The following FAM227B variants were observed in gnomAD, a reference collection of about 807,000 sequenced individuals.
FAM227B encodes protein FAM227B.
In FAM227B, 88 loss-of-function variants were observed where a neutral mutation model predicts 73.8. The observed-to-expected ratio is 1.19, with a 90% confidence interval of 1.00 to 1.42. FAM227B has a LOEUF of 1.42. FAM227B is among the 40% of genes most tolerant of loss of function. The pLI, the probability that FAM227B is intolerant of heterozygous loss-of-function variation, is 0.00. For synonymous variants in FAM227B, 210 were observed against 190.5 expected (o/e 1.10, Z -0.84); for missense variants, 632 against 590.9 (o/e 1.07, Z -0.72).
intron 10 of FAM227B, among the ~76,000 whole-genome samples, chr15:49,536,635 C>T (rs2070314973): frequency 6.6e-6 from 1 of 151,802 alleles, no homozygotes; most frequent in African/African-American, 2.4e-5. Context: ...ACGTTGTAGG[C>T]ATTAAACCTC....
At chr15:49,581,937 A>G (rs892659322) in intron 5 of FAM227B, among the ~76,000 whole-genome samples, 1 of 152,170 alleles carries the variant, frequency 6.6e-6, no homozygotes. Context: ...TGAACTACGC[A>G]AGGCCATCTT....
At chr15:49,396,396 G>A (rs771548402) in intron 11 of FAM227B, 8 of 217,246 alleles carry the variant, frequency 3.7e-5, no homozygotes, top group East Asian at 1.6e-4. Context: ...AGATCAAACT[G>A]CAAGGCGGCA....
intron 11 of FAM227B, among the ~76,000 whole-genome samples, chr15:49,497,351 G>A (rs1228583260): frequency 6.6e-6 from 1 of 152,128 alleles, no homozygotes; most frequent in African/African-American, 2.4e-5. Context: ...TGTCCAGACT[G>A]GGGGTAAGGT....
At chr15:49,616,256 A>T (rs2078281467) in intron 1 of FAM227B, among the ~76,000 whole-genome samples, 1 of 152,148 alleles carries the variant, frequency 6.6e-6, no homozygotes, top group East Asian at 1.9e-4. Flanking sequence ...CTCTAATATG[A>T]TTGGTGTCAT....
chr15:49,605,498 G>A lies in FAM227B; in HGVS notation c.105+5717C>T, dbSNP rs542216112. ...AGCCTGGGTCCACAGGGGCCAACCTGACACTGAAGTGGGGGTTGGCCTGGT... is the reference window on the plus strand; with the variant it reads ...AGCCTGGGTCCACAGGGGCCAACCTAACACTGAAGTGGGGGTTGGCCTGGT... On this transcript the variant is annotated intron_variant, in intron 3 of 15. Transcript: ENST00000299338. Among the ~76,000 whole-genome samples, 133 of 152,290 alleles carry A rather than the reference G, an allele frequency of 8.7e-4. 5 individuals carry two copies. In the South Asian group the frequency reaches 0.027, roughly 30 times the overall value.
intron 3 of FAM227B, among the ~76,000 whole-genome samples, chr15:49,591,876 C>CCA (rs972946548): frequency 6.6e-6 from 1 of 151,754 alleles, no homozygotes. Flanking sequence ...GTATATACAG[C>CCA]CACACACACA....
intron 2 of FAM227B, 63 bp downstream of exon 2, chr15:49,615,058 C>T: frequency 6.7e-7 from 1 of 1,487,942 alleles, no homozygotes; most frequent in African/African-American, 1.4e-5. Context: ...GCCCTGATTA[C>T]CTGAAATTCC....
Position 49,327,678 on chromosome 15 carries a change from A to G in FAM227B, c.*890T>C, listed in dbSNP as rs1460548694. ...GGCTACTTTATGGAATCAATATTACAGTGGGTTATTGCCAGTCATGAAATG... is the reference window on the plus strand; with the variant it reads ...GGCTACTTTATGGAATCAATATTACGGTGGGTTATTGCCAGTCATGAAATG... On this transcript the variant is annotated 3_prime_UTR_variant, in exon 16 of 16. Transcript: ENST00000299338. 3.6e-6 allele frequency: 1 copy of G among 274,382 alleles called. No individual in the cohort carries two copies. The highest frequency in any genetic ancestry group is 2.2e-5 in the African/African-American group (1 of 45,556). The allele number at this position is 274,382 out of a possible 1,614,324, so 17.0% of individuals were successfully genotyped here. A position where few individuals can be genotyped will look rare whatever the true frequency, so the allele number is the denominator to read the frequency against.
At chr15:49,459,484 A>AT (rs1346217385) in intron 11 of FAM227B, among the ~76,000 whole-genome samples, 1 of 151,912 alleles carries the variant, frequency 6.6e-6, no homozygotes, top group African/African-American at 2.4e-5. Flanking sequence ...GTGAAAAGAG[A>AT]TTTTTTAAAT....
In FAM227B at chr15:49,549,993, G is replaced by A. The variant is rs1261747806; in HGVS notation, c.748-8187C>T. Reference sequence around the variant, plus strand: ...CCCCCACCTCCCTCCCAGACGGGGCGGCTGGCCGGGCAGGGGGCTGACCCC... The same window carrying A: ...CCCCCACCTCCCTCCCAGACGGGGCAGCTGGCCGGGCAGGGGGCTGACCCC... On this transcript the variant is annotated intron_variant, in intron 9 of 15. Coordinates refer to ENST00000299338, the MANE Select transcript of FAM227B (RefSeq NM_152647.3). Among the ~76,000 whole-genome samples, 13 of 115,380 alleles carry A rather than the reference G, an allele frequency of 1.1e-4. No homozygotes were observed. In the East Asian group the frequency reaches 1.3e-3, roughly 11 times the overall value. The allele number at this position is 115,380 out of a possible 152,430, so 75.7% of individuals were successfully genotyped here.
chr15:49,569,432 GTTAC>G (rs1217573663), intron 8 of FAM227B, among the ~76,000 whole-genome samples: 1 of 151,336 alleles, frequency 6.6e-6, no homozygotes, highest in African/African-American at 2.4e-5. Flanking sequence ...TCTGTTTCCG[GTTAC>G]TTAATGTGTG....
chr15:49,547,274 A>G (rs1158060010), intron 9 of FAM227B, among the ~76,000 whole-genome samples: 1 of 151,964 alleles, frequency 6.6e-6, no homozygotes, highest in Non-Finnish European at 1.5e-5. Context: ...GAGCTCCTGA[A>G]GGAAGCACTA....
chr15:49,554,377 A>G (rs1851401841), intron 9 of FAM227B, among the ~76,000 whole-genome samples: 1 of 152,194 alleles, frequency 6.6e-6, no homozygotes, highest in South Asian at 2.1e-4. Context: ...GTCTTGCTTA[A>G]GAGTCGCAGT....
chr15:49,559,102 T>C (rs994645702), intron 9 of FAM227B, among the ~76,000 whole-genome samples: 14 of 151,998 alleles, frequency 9.2e-5, no homozygotes, highest in Non-Finnish European at 1.5e-4. Context: ...AGTCCAGAGA[T>C]AGACTAGAAT....
chr15:49,339,052 C>T (rs998539246), intron 13 of FAM227B, among the ~76,000 whole-genome samples: 1 of 152,152 alleles, frequency 6.6e-6, no homozygotes, highest in Non-Finnish European at 1.5e-5. Context: ...AGGTTCTTAG[C>T]TTGCTTGCAT....
In FAM227B at chr15:49,536,717, G is replaced by A. The variant is rs559333694; in HGVS notation, c.874+4963C>T. Among the ~76,000 whole-genome samples the A allele has an allele frequency of 1.4e-4, 22 of 151,886 alleles. 1 individual carries two copies. The South Asian group carries it at 3.1e-3, about 22-fold the overall frequency. ...AAACTATGGTATTGGCATGAACACC[G>A]ACATAAAGATGAGGTATAGAATACA... On this transcript the variant is annotated intron_variant, in intron 10 of 15. Transcript: ENST00000299338.
intron 11 of FAM227B, among the ~76,000 whole-genome samples, chr15:49,497,023 C>T (rs918876896): frequency 2.1e-4 from 32 of 152,000 alleles, no homozygotes; most frequent in African/African-American, 7.5e-4. Flanking sequence ...TTACTAATTA[C>T]ACCTGAACAG....
chr15:49,551,582 C>A (rs1348473562), intron 9 of FAM227B, among the ~76,000 whole-genome samples: 1 of 152,126 alleles, frequency 6.6e-6, no homozygotes, highest in Admixed American at 6.5e-5. Context: ...GTTTAGTCCA[C>A]TTACACTCAA....
intron 2 of FAM227B, among the ~76,000 whole-genome samples, chr15:49,613,028 A>G (rs113251376): frequency 5.3e-5 from 8 of 152,132 alleles, no homozygotes; most frequent in African/African-American, 1.7e-4. Flanking sequence ...AAGTGAGGGG[A>G]AAGTGGGTAT....
Sources: allele counts gnomAD v4.1 joint callset (sites outside exome capture counted in the v4.1 genomes callset), GRCh38; gene constraint gnomAD v4.1.1; transcripts MANE v1.5; gene names NCBI Gene and HGNC (gene_info 2026-07-23, HGNC 2026-07-21).